Variants in MYO16 observed in about 807,000 individuals in gnomAD.
MYO16 encodes unconventional myosin-XVI.
A neutral mutation model predicts 205.3 loss-of-function variants in MYO16; 94 were observed. That is an observed-to-expected ratio of 0.46 (90% confidence interval 0.39 to 0.54). The LOEUF (loss-of-function observed/expected upper bound fraction) is 0.54. Among genes scored for constraint, MYO16 ranks in the 20% least tolerant of loss-of-function variants. The pLI is 0.00. For missense variants in MYO16, 2,315 were observed against 2,387.5 expected, an observed-to-expected ratio of 0.97 and a Z score of 0.63; for synonymous variants, 988 against 954.0, an observed-to-expected ratio of 1.04 and a Z score of -0.66.
At chr13:108,687,858 A>C (rs1447485913) in intron 2 of MYO16, among the ~76,000 whole-genome samples, 4 of 152,216 alleles carry the variant, frequency 2.6e-5, no homozygotes, top group African/African-American at 9.6e-5. Context: ...AATAAAATAT[A>C]ATTTGAGAGC....
chr13:108,806,070 C>T (rs1315535439), intron 6 of MYO16, among the ~76,000 whole-genome samples: 1 of 151,952 alleles, frequency 6.6e-6, no homozygotes, highest in Non-Finnish European at 1.5e-5. Context: ...ATGATTCCAC[C>T]ACTGCACTCC....
chr13:108,531,084 C>G, the MYO16 span, among the ~76,000 whole-genome samples: 1 of 152,022 alleles, frequency 6.6e-6, no homozygotes, highest in Non-Finnish European at 1.5e-5. Context: ...TTTGTGCAAA[C>G]GTGGAGTTGG....
intron 10 of MYO16, chr13:108,855,213 C>G (rs1369896383): frequency 1.5e-5 from 6 of 390,800 alleles, no homozygotes; most frequent in Non-Finnish European, 2.3e-5. Context: ...GGTGTGTGCA[C>G]CTGCACACTG....
At chr13:108,969,768 G>A (rs1883939785) in intron 20 of MYO16, among the ~76,000 whole-genome samples, 1 of 152,128 alleles carries the variant, frequency 6.6e-6, no homozygotes, top group African/African-American at 2.4e-5. Context: ...CAATCACATC[G>A]AGAACTGCGG....
At chr13:108,897,373 G>A (rs7991917) in intron 14 of MYO16, among the ~76,000 whole-genome samples, 152,279 of 152,292 alleles carry the variant, frequency 1, 76,133 homozygotes, top group Non-Finnish European at 1. Flanking sequence ...TTATCATAGC[G>A]TTGCAAAGCC....
At chr13:108,880,316 T>G (rs969863857) in intron 12 of MYO16, among the ~76,000 whole-genome samples, 1 of 152,254 alleles carries the variant, frequency 6.6e-6, no homozygotes, top group African/African-American at 2.4e-5. Flanking sequence ...GTAGGTTGCC[T>G]GTTCACTCTG....
intron 10 of MYO16, among the ~76,000 whole-genome samples, chr13:108,849,529 G>GTGTGTGTA: frequency 6.8e-6 from 1 of 148,036 alleles, no homozygotes; most frequent in Admixed American, 6.8e-5. Context: ...CCTCCTTTGT[G>GTGTGTGTA]TGTGTGTGTG....
chr13:108,597,506 T>C (rs906714568), intron 1 of MYO16, among the ~76,000 whole-genome samples: 1 of 142,018 alleles, frequency 7.0e-6, no homozygotes, highest in African/African-American at 3.1e-5. Context: ...TATCACCCCA[T>C]TGTGTTTAAT....
chr13:108,899,639 G>A (rs986799723), intron 15 of MYO16, among the ~76,000 whole-genome samples: 2 of 152,132 alleles, frequency 1.3e-5, no homozygotes, highest in South Asian at 2.1e-4. Context: ...CCTAACACCT[G>A]GCTGGGTGTG....
At position 108,697,432 on chromosome 13, in the gene MYO16, G is replaced by A. The variant is rs1221341591; in HGVS notation, c.293-15229G>A. ...AAGAGGTCTAGAGATTACTCAGCACGGGAGGACATTTCTTTTCCAGGAATT... is the reference window on the plus strand; with the variant it reads ...AAGAGGTCTAGAGATTACTCAGCACAGGAGGACATTTCTTTTCCAGGAATT... On this transcript the variant is annotated intron_variant, in intron 2 of 34. Transcript: ENST00000457511. 8.5e-5 allele frequency among the ~76,000 whole-genome samples: 13 copies of A among 152,264 alleles called. No homozygotes were observed. The South Asian group carries it at 1.2e-3, about 15-fold the overall frequency.
intron 16 of MYO16, among the ~76,000 whole-genome samples, chr13:108,934,446 GT>G (rs1482113569): frequency 6.6e-6 from 1 of 151,982 alleles, no homozygotes; most frequent in Non-Finnish European, 1.5e-5. Flanking sequence ...GGGGTTATTT[GT>G]TTTTTGCTTG....
chr13:108,628,720 T>C (rs1879843659), upstream of MYO16, among the ~76,000 whole-genome samples: 1 of 152,216 alleles, frequency 6.6e-6, no homozygotes, highest in Non-Finnish European at 1.5e-5. Context: ...GCACTGCTCT[T>C]TGAGTTTTGT....
intron 2 of MYO16, among the ~76,000 whole-genome samples, chr13:108,667,327 T>TTTG (rs1566539040): frequency 0.012 from 1,752 of 151,358 alleles, 37 homozygotes; most frequent in African/African-American, 0.037. Flanking sequence ...TTTGTTTTTT[T>TTTG]TTTTTTTTTG....
chr13:109,172,076 G>A (rs1036667544), intron 33 of MYO16, among the ~76,000 whole-genome samples: 3 of 152,126 alleles, frequency 2.0e-5, no homozygotes, highest in African/African-American at 7.2e-5. Context: ...ACCAGTTCTG[G>A]GAACATCTAA....
At chr13:109,011,851 TAAAA>T (rs1263271184) in intron 22 of MYO16, among the ~76,000 whole-genome samples, 2 of 152,102 alleles carry the variant, frequency 1.3e-5, no homozygotes, top group African/African-American at 4.8e-5. Context: ...CTGAAAGGCC[TAAAA>T]CAATTAAAAT....
At chr13:108,777,929 G>A (rs182590087) in intron 4 of MYO16, among the ~76,000 whole-genome samples, 2 of 152,272 alleles carry the variant, frequency 1.3e-5, no homozygotes, top group East Asian at 3.9e-4. Flanking sequence ...GAGTTCTCCA[G>A]ATTACATTCA....
At chr13:108,689,850 A>G (rs1882822678) in intron 2 of MYO16, among the ~76,000 whole-genome samples, 1 of 152,148 alleles carries the variant, frequency 6.6e-6, no homozygotes, top group South Asian at 2.1e-4. Flanking sequence ...TCAAGGAATG[A>G]TATGTTATAA....
At chr13:108,577,547 C>G in the MYO16 span, among the ~76,000 whole-genome samples, 75 of 152,302 alleles carry the variant, frequency 4.9e-4, no homozygotes, top group African/African-American at 1.8e-3. Flanking sequence ...CTGCCAGCAT[C>G]AATTCTGCTC....
chr13:108,964,729 G>A lies in MYO16; in HGVS notation c.2228-32G>A, dbSNP rs764883168. On this transcript the variant is annotated intron_variant, in intron 19 of 34. Transcript: ENST00000457511. Reference sequence around the variant, plus strand: ...GGCTTCTAAATGAGGGAACCCTTGTGCTCACTCCTCCTTTTCTTTCTACCA... The same window carrying A: ...GGCTTCTAAATGAGGGAACCCTTGTACTCACTCCTCCTTTTCTTTCTACCA... The A allele has an allele frequency of 1.9e-6, 3 of 1,610,092 alleles. No individual in the cohort carries two copies. In the African/African-American group the frequency reaches 4.0e-5, roughly 21 times the overall value.
Sources: allele counts gnomAD v4.1 joint callset (sites outside exome capture counted in the v4.1 genomes callset), GRCh38; gene constraint gnomAD v4.1.1; transcripts MANE v1.5; gene names NCBI Gene and HGNC (gene_info 2026-07-23, HGNC 2026-07-21).